Variants in COL28A1 observed in about 807,000 individuals in gnomAD.
COL28A1 encodes collagen alpha-1(XXVIII) chain.
Under a neutral mutation model 150.2 loss-of-function variants are expected in COL28A1, and 161 were observed. That is an observed-to-expected ratio of 1.07 (90% CI 0.94 to 1.22). The LOEUF (loss-of-function observed/expected upper bound fraction) is 1.22, where lower values mean the gene tolerates loss of function less well. COL28A1 is among the 50% of genes most tolerant of loss of function. The pLI, the probability that COL28A1 is intolerant of heterozygous loss-of-function variation, is 0.00. For missense variants in COL28A1, 1,617 were observed against 1,388.3 expected (o/e 1.16, Z -2.62); for synonymous variants, 552 against 469.7 (o/e 1.18, Z -2.26).
intron 11 of COL28A1, among the ~76,000 whole-genome samples, chr7:7,501,859 A>C (rs1365585874): frequency 3.9e-5 from 6 of 152,036 alleles, no homozygotes; most frequent in African/African-American, 1.5e-4. Context: ...CACTTGTGTG[A>C]TTACAATTCT....
At chr7:7,395,688 A>G (rs1178163319) in intron 27 of COL28A1, among the ~76,000 whole-genome samples, 1 of 152,218 alleles carries the variant, frequency 6.6e-6, no homozygotes, top group Non-Finnish European at 1.5e-5. Context: ...ATTTTACTTT[A>G]GCACAAAATT....
Position 7,476,096 on chromosome 7 carries a change from TA to T in COL28A1, c.1233+1015del, listed in dbSNP as rs1373822600. Among the ~76,000 whole-genome samples the T allele has an allele frequency of 2.0e-5, 3 of 152,174 alleles. No individual in the cohort carries two copies. In the East Asian group the frequency reaches 5.8e-4, roughly 29 times the overall value. ...AATGCACTTTTAGAGCATGAGGCCA[TA>T]CTGAGAAGGCCATATCTTAGTCACC... On this transcript the variant is annotated intron_variant, in intron 14 of 34. Coordinates refer to ENST00000399429, the MANE Select transcript of COL28A1 (RefSeq NM_001037763.3).
intron 27 of COL28A1, among the ~76,000 whole-genome samples, chr7:7,412,330 A>G (rs1472645718): frequency 6.6e-6 from 1 of 152,130 alleles, no homozygotes; most frequent in Non-Finnish European, 1.5e-5. Flanking sequence ...CCAACCAGGA[A>G]CACACACATT....
At position 7,444,450 on chromosome 7, in the gene COL28A1, C is replaced by G; in HGVS notation, c.1549G>C (p.Val517Leu). 1 of 1,613,998 alleles carries G rather than the reference C, an allele frequency of 6.2e-7. No individual in the cohort carries two copies. Among genetic ancestry groups the G allele is most frequent in the Non-Finnish European group, 8.5e-7 (1 of 1,179,982 alleles). ...CCTGCAGCTCCATCTTCTCCTGGTA[C>G]TCCTGGTTGTCCTGGGAGCCCTATT... Reference protein sequence around the residue: ...GSIGLPGQPGVPGEDGAAGKK... With the variant: ...GSIGLPGQPGLPGEDGAAGKK... The change falls in exon 19 of 35, where the codon GTA becomes CTA. Residue 517 changes from valine to leucine, a missense_variant. By Grantham distance (32) the Val-to-Leu change is conservative. Coordinates refer to ENST00000399429, the MANE Select transcript of COL28A1 (RefSeq NM_001037763.3).
At chr7:7,526,893 C>T (rs1782054308) in intron 3 of COL28A1, among the ~76,000 whole-genome samples, 1 of 152,134 alleles carries the variant, frequency 6.6e-6, no homozygotes, top group African/African-American at 2.4e-5. Flanking sequence ...CCTTGGCCTC[C>T]CAAAGTGCTG....
At chr7:7,440,181 G>A (rs1260054118) in intron 21 of COL28A1, among the ~76,000 whole-genome samples, 2 of 152,026 alleles carry the variant, frequency 1.3e-5, no homozygotes, top group Non-Finnish European at 2.9e-5. Context: ...CAATTTACCA[G>A]GACATAGATC....
intron 4 of COL28A1, among the ~76,000 whole-genome samples, chr7:7,522,367 A>G (rs1367102453): frequency 6.6e-6 from 1 of 152,166 alleles, no homozygotes. Context: ...AAGCTCAATA[A>G]TATAATAATA....
At chr7:7,345,543 T>G in the COL28A1 span, among the ~76,000 whole-genome samples, 1 of 151,822 alleles carries the variant, frequency 6.6e-6, no homozygotes, top group South Asian at 2.1e-4. Flanking sequence ...TACTGGAAAA[T>G]AATTACCTTC....
At chr7:7,471,125 T>TAAAAAAA (rs746981344) in intron 15 of COL28A1, among the ~76,000 whole-genome samples, 20 of 88,492 alleles carry the variant, frequency 2.3e-4, no homozygotes, top group African/African-American at 3.3e-4. Flanking sequence ...AAAAAATAAT[T>TAAAAAAA]AAAAAAAAAA....
intron 25 of COL28A1, among the ~76,000 whole-genome samples, chr7:7,430,983 C>T (rs1784931221): frequency 6.6e-6 from 1 of 152,160 alleles, no homozygotes; most frequent in African/African-American, 2.4e-5. Context: ...TCATTACCCC[C>T]AGAAGCAGAA....
intron 27 of COL28A1, among the ~76,000 whole-genome samples, chr7:7,403,732 T>C (rs1345640820): frequency 1.3e-5 from 2 of 152,228 alleles, no homozygotes; most frequent in Non-Finnish European, 2.9e-5. Flanking sequence ...AATGAAAATA[T>C]TCATCTAGGG....
At chr7:7,417,146 G>A (rs535299254) in intron 27 of COL28A1, among the ~76,000 whole-genome samples, 2 of 152,130 alleles carry the variant, frequency 1.3e-5, no homozygotes, top group South Asian at 4.2e-4. Context: ...ACATAGTAAT[G>A]TTTAGATGCC....
chr7:7,476,705 T>C (rs1788917684), intron 14 of COL28A1, among the ~76,000 whole-genome samples: 1 of 152,228 alleles, frequency 6.6e-6, no homozygotes, highest in African/African-American at 2.4e-5. Flanking sequence ...TTTTCTTTCT[T>C]ATTATATTGA....
chr7:7,350,674 T>TTA, the COL28A1 span, among the ~76,000 whole-genome samples: 414 of 134,114 alleles, frequency 3.1e-3, 4 homozygotes, highest in African/African-American at 0.011. Context: ...TTTTTTTTTT[T>TTA]AAAACCGCTG....
chr7:7,462,904 G>A (rs961171066), intron 15 of COL28A1, among the ~76,000 whole-genome samples: 4 of 151,364 alleles, frequency 2.6e-5, no homozygotes, highest in African/African-American at 9.7e-5. Flanking sequence ...AAAATGCTCT[G>A]GAAGCTCTCA....
chr7:7,455,635 G>A (rs772880002), intron 16 of COL28A1, among the ~76,000 whole-genome samples: 4 of 152,166 alleles, frequency 2.6e-5, no homozygotes, highest in African/African-American at 9.6e-5. Flanking sequence ...GCTAGTTAGA[G>A]TGGTTGGTAG....
At chr7:7,450,737 G>C (rs1023069881) in intron 18 of COL28A1, among the ~76,000 whole-genome samples, 2 of 152,150 alleles carry the variant, frequency 1.3e-5, no homozygotes, top group African/African-American at 4.8e-5. Context: ...GTTTGTGGCA[G>C]CATTGTTGGC....
chr7:7,503,194 G>T (rs1455612813), intron 11 of COL28A1, among the ~76,000 whole-genome samples: 1 of 152,170 alleles, frequency 6.6e-6, no homozygotes, highest in South Asian at 2.1e-4. Flanking sequence ...GTAGCTAAGA[G>T]CAGACTTGTG....
rs779302610 is a variant in COL28A1, at chr7:7,437,347, A to C, written c.1791+47T>G. The stretch of plus-strand genomic sequence containing the variant: ...TGGTATCATGATTTTTTTTTCTCCA[A>C]CTGCCAAAGGGTCAAGAAAAAGAAA... On this transcript the variant is annotated intron_variant, in intron 22 of 34. Transcript: ENST00000399429. 18 of 1,555,620 alleles carry C rather than the reference A, an allele frequency of 1.2e-5. No homozygotes were observed. The East Asian group carries it at 4.1e-4, about 35-fold the overall frequency.
Sources: gnomAD v4.1 joint callset for allele counts (sites outside exome capture counted in the v4.1 genomes callset) on GRCh38, gnomAD v4.1.1 for gene constraint, MANE v1.5 for transcripts, NCBI Gene and HGNC (gene_info 2026-07-23, HGNC 2026-07-21) for gene names.